The following RARS1 variants were observed in gnomAD, a reference collection of about 807,000 sequenced individuals.
RARS1 encodes the protein arginine--tRNA ligase, cytoplasmic.
Under a neutral mutation model 78.7 loss-of-function variants are expected in RARS1, and 75 were observed. The observed-to-expected ratio is 0.95, with a 90% confidence interval of 0.79 to 1.15. The LOEUF is 1.15. Among genes scored for constraint, RARS1 ranks in the 50% most tolerant of loss-of-function variants. RARS1 has a pLI of 0.00. For synonymous variants in RARS1, 273 were observed against 268.2 expected (o/e 1.02, Z -0.18); for missense variants, 787 against 787.5 (o/e 1.00, Z 0.01).
At chr5:168,488,055 G>C (rs879910394) in intron 1 of RARS1, 2 of 226,498 alleles carry the variant, frequency 8.8e-6, no homozygotes, top group African/African-American at 2.4e-5. Context: ...TGAGACATGA[G>C]GCATATCCCA....
chr5:168,508,510 C>T (rs1561826093), intron 11 of RARS1, among the ~76,000 whole-genome samples: 1 of 150,616 alleles, frequency 6.6e-6, no homozygotes, highest in Non-Finnish European at 1.5e-5. Flanking sequence ...GTCCCAGTTA[C>T]TCGGGAGGCT....
intron 7 of RARS1, among the ~76,000 whole-genome samples, chr5:168,499,708 TAAA>T (rs11345301): frequency 1.4e-5 from 2 of 148,126 alleles, no homozygotes; most frequent in African/African-American, 2.5e-5. Flanking sequence ...CAAACCACAG[TAAA>T]AAAAAAAGCC....
chr5:168,488,353 C>G (rs577995059), intron 1 of RARS1: 25 of 412,722 alleles, frequency 6.1e-5, no homozygotes, highest in African/African-American at 5.2e-4. Flanking sequence ...GTCTTGAACT[C>G]TTGGCCTCAA....
chr5:168,510,001 G>A lies in RARS1; in HGVS notation c.1347-580G>A, dbSNP rs113470525. ...ATAAATAAATGAGTGAATGAAGCAA[G>A]CAAGCAACTGGCTGCTCAAGCATCT... On this transcript the variant is annotated intron_variant, in intron 11 of 14. Transcript: ENST00000231572. Among the ~76,000 whole-genome samples the A allele has an allele frequency of 2.8e-3, 431 of 152,176 alleles. 2 individuals are homozygous for A. The highest frequency in any genetic ancestry group is 9.3e-3 in the African/African-American group (386 of 41,532).
chr5:168,491,704 C>T (rs1319877799), intron 2 of RARS1, among the ~76,000 whole-genome samples: 1 of 151,906 alleles, frequency 6.6e-6, no homozygotes, highest in African/African-American at 2.4e-5. Context: ...GTAACAAGCT[C>T]GATTTTATTA....
intron 8 of RARS1, among the ~76,000 whole-genome samples, chr5:168,501,726 A>AAAT (rs1561822938): frequency 6.9e-6 from 1 of 144,842 alleles, no homozygotes; most frequent in Non-Finnish European, 1.5e-5. Flanking sequence ...CCATCTCAAA[A>AAAT]AATAATAATA....
intron 13 of RARS1, among the ~76,000 whole-genome samples, 195 bp from the exon 14 acceptor site, chr5:168,517,620 A>G (rs1005512532): frequency 6.6e-6 from 1 of 151,734 alleles, no homozygotes; most frequent in African/African-American, 2.4e-5. Context: ...CCCTAAAAGA[A>G]TTATATTTCC....
intron 7 of RARS1, among the ~76,000 whole-genome samples, chr5:168,498,615 T>C (rs930373348): frequency 2.0e-5 from 3 of 152,234 alleles, no homozygotes; most frequent in Non-Finnish European, 2.9e-5. Flanking sequence ...TTTTCTATTT[T>C]AGAGGTGTTG....
chr5:168,518,220 C>T (rs1430007849), intron 14 of RARS1, among the ~76,000 whole-genome samples, 158 bp downstream of exon 14: 1 of 151,236 alleles, frequency 6.6e-6, no homozygotes, highest in Non-Finnish European at 1.5e-5. Flanking sequence ...AATGGCTGGA[C>T]TTACACACGT....
In RARS1 at chr5:168,517,803, G is replaced by T. The variant is rs949817408; in HGVS notation, c.1626-12G>T. On this transcript the variant is annotated splice_polypyrimidine_tract_variant and intron_variant, in intron 13 of 14. Coordinates refer to ENST00000231572, the MANE Select transcript of RARS1 (RefSeq NM_002887.4). ...GTGGTGATTGCCTGATGATTTTTTT[G>T]TTTTTTTTAAGGTCTATTGCACGTC... 1.6e-5 allele frequency: 26 copies of T among 1,598,318 alleles called. No individual in the cohort carries two copies. In the Admixed American group the frequency reaches 1.9e-4, roughly 12 times the overall value.
chr5:168,518,151 A>T (rs1758715127), intron 14 of RARS1, 89 bp downstream of exon 14: 2 of 1,334,788 alleles, frequency 1.5e-6, no homozygotes, highest in Non-Finnish European at 1.9e-6. Context: ...TGGTGAAATC[A>T]TAGGTCACTG....
chr5:168,510,730 A>AT, intron 12 of RARS1, 44 bp downstream of exon 12: 4 of 1,435,238 alleles, frequency 2.8e-6, no homozygotes, highest in Non-Finnish European at 3.8e-6. Context: ...AAGCATTGTG[A>AT]TTTTTCATTT....
chr5:168,510,586 A>G lies in RARS1; in HGVS notation c.1352A>G (p.Lys451Arg). The G allele has an allele frequency of 1.2e-6, 2 of 1,605,004 alleles. No individual in the cohort carries two copies. The highest frequency in any genetic ancestry group is 1.7e-6 in the Non-Finnish European group (2 of 1,177,794). The change falls in exon 12 of 15, where the codon AAG becomes AGG. Residue 451 changes from lysine to arginine, a missense_variant. Physicochemically the swap from Lys to Arg is conservative, Grantham distance 26. Coordinates refer to ENST00000231572, the MANE Select transcript of RARS1 (RefSeq NM_002887.4). ...FGVVLGEDKK[K>R]FKTRSGETVR... is the part of the protein sequence containing the mutation. ...GGGGGTTTTACATTTTTTAGGAAAA[A>G]GTTTAAAACACGTTCGGGTGAAACA...
intron 8 of RARS1, among the ~76,000 whole-genome samples, chr5:168,501,236 A>T (rs1758313312): frequency 6.6e-6 from 1 of 152,222 alleles, no homozygotes; most frequent in South Asian, 2.1e-4. Flanking sequence ...ACGATTAATG[A>T]TGACTGGCTT....
chr5:168,487,688 G>C (rs909784072), intron 1 of RARS1, among the ~76,000 whole-genome samples: 13 of 152,184 alleles, frequency 8.5e-5, no homozygotes, highest in African/African-American at 3.1e-4. Context: ...CTATCTCCCA[G>C]TAAGTATTCT....
intron 2 of RARS1, 48 bp from the exon 3 acceptor site, chr5:168,492,611 T>G: frequency 1.4e-6 from 2 of 1,418,564 alleles, no homozygotes; most frequent in Non-Finnish European, 2.0e-6. Flanking sequence ...TCTTGTATGA[T>G]GATGGTTTTA....
At chr5:168,510,769 G>C in intron 12 of RARS1, 83 bp downstream of exon 12, 68 of 923,798 alleles carry the variant, frequency 7.4e-5, no homozygotes, top group Non-Finnish European at 1.1e-4. Context: ...CTGAGGAGAA[G>C]TGTGAGGAGT....
At position 168,492,848 on chromosome 5, in the gene RARS1, G is replaced by A. The variant is rs1355052730; in HGVS notation, c.369+1G>A. On this transcript the variant is annotated splice_donor_variant, in intron 3 of 14. Transcript: ENST00000231572. LOFTEE classifies it high-confidence loss of function. ...TAATAGTGCTATGGGTATTTCTCAG[G>A]TGATGTATTGTCATGACTCTTGGCT... The A allele has an allele frequency of 8.2e-6, 13 of 1,592,574 alleles. No individual in the cohort carries two copies. The highest frequency in any genetic ancestry group is 8.6e-6 in the Non-Finnish European group (10 of 1,162,068).
At chr5:168,494,441 T>C in intron 4 of RARS1, 109 bp from the exon 5 acceptor site, 2 of 1,519,596 alleles carry the variant, frequency 1.3e-6, no homozygotes, top group Non-Finnish European at 1.8e-6. Flanking sequence ...GGTATTGGAA[T>C]CCGGAAGAAT....
Sources: gnomAD v4.1 joint callset for allele counts (sites outside exome capture counted in the v4.1 genomes callset) on GRCh38, gnomAD v4.1.1 for gene constraint, MANE v1.5 for transcripts, NCBI Gene and HGNC (gene_info 2026-07-23, HGNC 2026-07-21) for gene names.